ELF5: variants seen among roughly 807,000 people sequenced by gnomAD.
The protein encoded by ELF5 is E74 like ETS transcription factor 5.
In ELF5, 31 loss-of-function variants were observed where a neutral mutation model predicts 38.2. The observed-to-expected ratio is 0.81, with a 90% CI of 0.61 to 1.10. The LOEUF is 1.10. Among genes scored for constraint, ELF5 ranks in the 50% least tolerant of loss-of-function variants. ELF5 has a pLI of 0.00. For missense variants in ELF5, 300 were observed against 306.6 expected (o/e 0.98, Z 0.16); for synonymous variants, 121 against 112.5 (o/e 1.08, Z -0.48).
chr11:34,490,301 G>A (rs115395390), intron 3 of ELF5, among the ~76,000 whole-genome samples: 2,531 of 152,306 alleles, frequency 0.017, 77 homozygotes, highest in African/African-American at 0.058. Context: ...AGGCTTCCCA[G>A]CAGCCTCTGC....
chr11:34,493,003 T>C (rs1335052497), intron 3 of ELF5: 1 of 195,434 alleles, frequency 5.1e-6, no homozygotes, highest in East Asian at 1.2e-4. Flanking sequence ...AAGAGTTAAA[T>C]AATGCTATTG....
chr11:34,494,543 A>G (rs1282974035), intron 2 of ELF5, among the ~76,000 whole-genome samples: 1 of 152,092 alleles, frequency 6.6e-6, no homozygotes, highest in Non-Finnish European at 1.5e-5. Context: ...CCTTTAGAGG[A>G]GTCGTGTACA....
Position 34,480,576 on chromosome 11 carries a change from G to A in ELF5, c.671+196C>T, listed in dbSNP as rs544525691. 5.0e-3 allele frequency among the ~76,000 whole-genome samples: 761 copies of A among 152,248 alleles called. 1 individual carries two copies. The highest frequency in any genetic ancestry group is 8.2e-3 in the Non-Finnish European group (561 of 68,020). ...GCCTGGATTCAGAGTGATCCCTGGG[G>A]AATGCTGCCAAGAATGCTAAGGACA... is the stretch of plus-strand genomic sequence containing the variant. On this transcript the variant is annotated intron_variant, in intron 6 of 6. Transcript: ENST00000257832.
chr11:34,503,756 C>A lies in ELF5; in HGVS notation c.121+1873G>T, dbSNP rs576765001. On this transcript the variant is annotated intron_variant, in intron 2 of 6. Transcript: ENST00000257832. ...TGTAAGCCATCACGTCCAGCTAATC[C>A]TTCAATTTTTTAAACAGTTATGTGT... is the stretch of plus-strand genomic sequence containing the variant. 3.3e-5 allele frequency among the ~76,000 whole-genome samples: 5 copies of A among 152,304 alleles called. No homozygotes were observed. The Middle Eastern group carries it at 0.01, about 311-fold the overall frequency.
intron 4 of ELF5, among the ~76,000 whole-genome samples, chr11:34,486,030 T>C (rs1849984855): frequency 6.6e-6 from 1 of 152,164 alleles, no homozygotes; most frequent in East Asian, 1.9e-4. Context: ...TGGTTGGCCT[T>C]GAGCCTGGAC....
intron 2 of ELF5, among the ~76,000 whole-genome samples, chr11:34,495,881 T>C (rs1329247650): frequency 6.6e-6 from 1 of 152,254 alleles, no homozygotes; most frequent in Non-Finnish European, 1.5e-5. Context: ...TACTGATTTC[T>C]GGCTTTAGTA....
At chr11:34,506,182 G>A (rs1850610092) in intron 1 of ELF5, among the ~76,000 whole-genome samples, 1 of 152,206 alleles carries the variant, frequency 6.6e-6, no homozygotes, top group Non-Finnish European at 1.5e-5. Flanking sequence ...CATGCCCTGT[G>A]CAGTAACACA....
chr11:34,493,816 A>G (rs556840829), intron 2 of ELF5, 104 bp from the exon 3 acceptor site: 21 of 1,014,814 alleles, frequency 2.1e-5, no homozygotes, highest in Non-Finnish European at 2.5e-5. Context: ...TCCTCAGCCA[A>G]TAAGTTGAAA....
intron 2 of ELF5, among the ~76,000 whole-genome samples, chr11:34,503,685 C>A (rs1850533244): frequency 6.6e-6 from 1 of 152,180 alleles, no homozygotes; most frequent in African/African-American, 2.4e-5. Flanking sequence ...TTCCTAGGCT[C>A]AAGTGATAAT....
intron 4 of ELF5, among the ~76,000 whole-genome samples, chr11:34,486,133 A>T (rs1432768222): frequency 6.6e-6 from 1 of 152,084 alleles, no homozygotes; most frequent in African/African-American, 2.4e-5. Flanking sequence ...GGGTTTCCGA[A>T]ACAAGTTTAT....
intron 4 of ELF5, among the ~76,000 whole-genome samples, chr11:34,488,704 T>C (rs1850075214): frequency 1.3e-5 from 2 of 152,332 alleles, no homozygotes; most frequent in South Asian, 2.1e-4. Context: ...TTTTGTCGTG[T>C]GGAAGGCAGG....
intron 2 of ELF5, among the ~76,000 whole-genome samples, chr11:34,495,384 G>A (rs1850291489): frequency 6.6e-6 from 1 of 152,172 alleles, no homozygotes; most frequent in Non-Finnish European, 1.5e-5. Flanking sequence ...TTCCAGGCAG[G>A]AGGTGGGTCC....
intron 4 of ELF5, among the ~76,000 whole-genome samples, chr11:34,485,674 C>T (rs563288754): frequency 1.3e-5 from 2 of 152,126 alleles, no homozygotes; most frequent in African/African-American, 4.8e-5. Context: ...GCCGAGATAA[C>T]CCTGTTCTGT....
In ELF5 at chr11:34,479,387, A is replaced by G. The variant is rs112349243; in HGVS notation, c.*831T>C. On this transcript the variant is annotated 3_prime_UTR_variant, in exon 7 of 7. Transcript: ENST00000257832. ...TGCCAGCCATCAGTTAGAAGGGGGA[A>G]TAAACTCAGCAACAATTAATAATGT... The G allele has an allele frequency of 1.6e-4, 24 of 152,354 alleles. No individual in the cohort carries two copies. The highest frequency in any genetic ancestry group is 5.3e-4 in the African/African-American group (22 of 41,576). The allele number at this position is 152,354 out of a possible 1,614,324, so 9.4% of individuals were successfully genotyped here.
rs866208823 is a variant in ELF5 at position 34,480,255 on chromosome 11, C to T, written c.731G>A (p.Gly244Glu). The T allele has an allele frequency of 6.2e-7, 1 of 1,613,946 alleles. No homozygotes were observed. Among genetic ancestry groups the T allele is most frequent in the Non-Finnish European group, 8.5e-7 (1 of 1,179,952 alleles). Residue 244 changes from glycine (G) to glutamate (E), a missense_variant, in exon 7 of 7, where the codon GGA becomes GAA. Physicochemically the swap from Gly to Glu is moderately conservative, Grantham distance 98. Coordinates refer to ENST00000257832, the MANE Select transcript of ELF5 (RefSeq NM_001422.4). ...RVDRRLVYKF[G>E]KNAHGWQEDK... ...TTCCTGCCACCCGTGTGCATTTTTTCCAAATTTGTACACTAACCTTCGGTC... is the reference window on the plus strand; with the variant it reads ...TTCCTGCCACCCGTGTGCATTTTTTTCAAATTTGTACACTAACCTTCGGTC...
intron 3 of ELF5, among the ~76,000 whole-genome samples, chr11:34,490,287 A>AAAGG (rs1850131954): frequency 6.6e-6 from 1 of 152,194 alleles, no homozygotes; most frequent in Non-Finnish European, 1.5e-5. Context: ...GAGCACCCAG[A>AAAGG]ACCAGGCTTC....
intron 1 of ELF5, among the ~76,000 whole-genome samples, chr11:34,513,161 C>A (rs530269599): frequency 2.0e-5 from 3 of 152,208 alleles, no homozygotes; most frequent in South Asian, 2.1e-4. Context: ...TGTCAGAGGG[C>A]AAATGGGTTT....
At chr11:34,493,128 TA>T (rs1436133531) in intron 3 of ELF5, 2 of 459,220 alleles carry the variant, frequency 4.4e-6, no homozygotes, top group East Asian at 6.9e-5. Flanking sequence ...CTCTTCTGCT[TA>T]ATGAGAGATG....
At chr11:34,485,432 A>G (rs1224189814) in intron 4 of ELF5, among the ~76,000 whole-genome samples, 2 of 152,264 alleles carry the variant, frequency 1.3e-5, no homozygotes, top group South Asian at 4.1e-4. Flanking sequence ...TTTTAGGAGA[A>G]GAGAAAACAA....
Sources: allele counts gnomAD v4.1 joint callset (sites outside exome capture counted in the v4.1 genomes callset), GRCh38; gene constraint gnomAD v4.1.1; transcripts MANE v1.5; gene names NCBI Gene and HGNC (gene_info 2026-07-23, HGNC 2026-07-21).